Variants in TFEC observed in about 807,000 individuals in gnomAD.
The protein encoded by TFEC is transcription factor EC, also known as class E basic helix-loop-helix protein 34.
A neutral mutation model predicts 41.6 loss-of-function variants in TFEC; 31 were observed. The observed-to-expected ratio is 0.74, with a 90% CI of 0.56 to 1.01. The LOEUF (loss-of-function observed/expected upper bound fraction) is 1.01. Among genes scored for constraint, TFEC ranks in the 50% least tolerant of loss-of-function variants. The pLI is 0.00. For missense variants in TFEC, 402 were observed against 404.1 expected (o/e 0.99, Z 0.04); for synonymous variants, 143 against 140.6 (o/e 1.02, Z -0.12).
chr7:115,950,507 C>A (rs1027869005), intron 6 of TFEC, among the ~76,000 whole-genome samples: 2 of 151,966 alleles, frequency 1.3e-5, no homozygotes, highest in African/African-American at 4.8e-5. Flanking sequence ...CACTTGCACA[C>A]AAATTTTAAA....
chr7:116,013,202 A>G (rs553997124), intron 1 of TFEC, among the ~76,000 whole-genome samples: 1 of 152,232 alleles, frequency 6.6e-6, no homozygotes, highest in Non-Finnish European at 1.5e-5. Context: ...GTTTTACTTA[A>G]CTAATAAATG....
In TFEC at chr7:116,052,559, G is replaced by C. The variant is rs572399167; in HGVS notation, c.198+58149C>G. ...TTCTCCTGCCTCAGACTCCCGAGTA[G>C]CTAGGACTATAGGCACATGCCACCA... On this transcript the variant is annotated intron_variant, in intron 3 of 8. Transcript: ENST00000484212. 3.9e-5 allele frequency among the ~76,000 whole-genome samples: 6 copies of C among 152,076 alleles called. No individual in the cohort carries two copies. The East Asian group carries it at 9.8e-4, about 25-fold the overall frequency.
At chr7:115,949,044 A>T (rs1034263705) in intron 6 of TFEC, among the ~76,000 whole-genome samples, 88 of 152,302 alleles carry the variant, frequency 5.8e-4, no homozygotes, top group African/African-American at 2.0e-3. Context: ...AAGCATTCTT[A>T]TACACAAATA....
chr7:116,029,713 T>A (rs1007442411), intron 1 of TFEC, among the ~76,000 whole-genome samples: 1 of 151,970 alleles, frequency 6.6e-6, no homozygotes, highest in Non-Finnish European at 1.5e-5. Flanking sequence ...TATATATGTA[T>A]GTACATGTGT....
At chr7:116,150,345 T>A (rs1252171726) in intron 1 of TFEC, among the ~76,000 whole-genome samples, 1 of 152,146 alleles carries the variant, frequency 6.6e-6, no homozygotes, top group Non-Finnish European at 1.5e-5. Flanking sequence ...ATGACATGCA[T>A]GAATTATTTT....
rs551999161 is a variant in TFEC, at chr7:116,069,034, ACTCTACATTTC to A, written c.198+41663_198+41673del. Among the ~76,000 whole-genome samples, 262 of 151,864 alleles carry A rather than the reference ACTCTACATTTC, an allele frequency of 1.7e-3. 1 individual carries two copies. The highest frequency in any genetic ancestry group is 6.0e-3 in the African/African-American group (250 of 41,544). The stretch of plus-strand genomic sequence containing the variant: ...GATTTGTCAAATTTAGGGTTTATAA[ACTCTACATTTC>A]TTCATACTTTGATTTTCAGCTAATA... On this transcript the variant is annotated intron_variant, in intron 3 of 8. Transcript: ENST00000484212.
chr7:116,050,296 G>A (rs1796276735), intron 3 of TFEC, among the ~76,000 whole-genome samples: 1 of 152,008 alleles, frequency 6.6e-6, no homozygotes, highest in Admixed American at 6.6e-5. Context: ...AATGATAAAG[G>A]GGATATCACC....
upstream of TFEC, among the ~76,000 whole-genome samples, chr7:116,035,193 G>T (rs1417318696): frequency 1.3e-5 from 2 of 151,718 alleles, no homozygotes; most frequent in Non-Finnish European, 2.9e-5. Flanking sequence ...ATTCCCTACT[G>T]CCTAAATTTT....
chr7:115,941,871 A>G, intron 7 of TFEC, 22 bp downstream of exon 7: 2 of 1,612,412 alleles, frequency 1.2e-6, no homozygotes, highest in Non-Finnish European at 1.7e-6. Context: ...TATGTGACTC[A>G]TGGCTACATT....
At chr7:116,149,304 G>A (rs1305363120) in intron 1 of TFEC, among the ~76,000 whole-genome samples, 3 of 152,054 alleles carry the variant, frequency 2.0e-5, no homozygotes, top group African/African-American at 4.8e-5. Flanking sequence ...ATAACTAGAT[G>A]CTGGTGAGAG....
intron 1 of TFEC, among the ~76,000 whole-genome samples, chr7:116,129,618 A>T (rs1257402675): frequency 1.7e-5 from 2 of 118,332 alleles, no homozygotes; most frequent in Non-Finnish European, 3.3e-5. Flanking sequence ...TTTGACACTG[A>T]GTCTCACTCT....
intron 3 of TFEC, among the ~76,000 whole-genome samples, chr7:116,064,125 G>T (rs1294592234): frequency 6.6e-6 from 1 of 152,042 alleles, no homozygotes; most frequent in Admixed American, 6.6e-5. Flanking sequence ...CAAAATTTCA[G>T]CTAGATAGGA....
At chr7:116,130,110 T>C (rs377330025) in intron 1 of TFEC, among the ~76,000 whole-genome samples, 11 of 151,356 alleles carry the variant, frequency 7.3e-5, no homozygotes, top group Non-Finnish European at 1.5e-4. Context: ...CTTATTTTTG[T>C]TCACTTTTCC....
chr7:115,948,720 T>C (rs1791754871), intron 6 of TFEC, among the ~76,000 whole-genome samples: 1 of 149,474 alleles, frequency 6.7e-6, no homozygotes, highest in Non-Finnish European at 1.5e-5. Context: ...GAGCTATCTA[T>C]GACAAACCCA....
At chr7:116,013,505 T>C (rs985102712) in intron 1 of TFEC, among the ~76,000 whole-genome samples, 1 of 152,042 alleles carries the variant, frequency 6.6e-6, no homozygotes, top group Non-Finnish European at 1.5e-5. Context: ...TGCAAAACAA[T>C]AGCCACAGTC....
intron 1 of TFEC, among the ~76,000 whole-genome samples, chr7:116,150,431 T>C (rs1402442594): frequency 6.6e-6 from 1 of 152,158 alleles, no homozygotes; most frequent in African/African-American, 2.4e-5. Flanking sequence ...GGACACCCAA[T>C]ACAATATTGA....
At chr7:116,043,259 A>G (rs1481498883) in intron 3 of TFEC, among the ~76,000 whole-genome samples, 1 of 152,156 alleles carries the variant, frequency 6.6e-6, no homozygotes, top group Non-Finnish European at 1.5e-5. Context: ...CTCCACTCTT[A>G]AGGACTTTTT....
chr7:116,029,894 A>T (rs1000781320), intron 1 of TFEC, among the ~76,000 whole-genome samples: 31 of 121,294 alleles, frequency 2.6e-4, no homozygotes, highest in Non-Finnish European at 4.9e-4. Flanking sequence ...CTGCGTCTCT[A>T]CTAAAGATAC....
chr7:116,116,706 A>G (rs1448650435), intron 1 of TFEC, among the ~76,000 whole-genome samples: 2 of 151,930 alleles, frequency 1.3e-5, no homozygotes, highest in African/African-American at 4.8e-5. Flanking sequence ...TGAGCAAATA[A>G]GAGCACATGT....
Sources: gnomAD v4.1 joint callset for allele counts (sites outside exome capture counted in the v4.1 genomes callset) on GRCh38, gnomAD v4.1.1 for gene constraint, MANE v1.5 for transcripts, NCBI Gene and HGNC (gene_info 2026-07-23, HGNC 2026-07-21) for gene names.